The following CPEB3 variants were observed in gnomAD, a reference collection of about 807,000 sequenced individuals.
CPEB3 encodes the protein cytoplasmic polyadenylation element-binding protein 3.
CPEB3 carries 20 observed loss-of-function variants against 67.2 expected under a neutral mutation model. That is an observed-to-expected ratio of 0.30 (90% CI 0.21 to 0.43). The LOEUF is 0.43. Among genes scored for constraint, CPEB3 ranks in the 20% least tolerant of loss-of-function variants. The pLI is 1.00. For synonymous variants in CPEB3, 376 were observed against 393.1 expected (o/e 0.96, Z 0.51); for missense variants, 746 against 968.6 (o/e 0.77, Z 3.05).
intron 2 of CPEB3, among the ~76,000 whole-genome samples, chr10:92,194,493 A>C (rs888754748): frequency 6.6e-6 from 1 of 152,148 alleles, no homozygotes; most frequent in African/African-American, 2.4e-5. Flanking sequence ...AATGGCAAAA[A>C]GGAAAAAAAA....
At chr10:92,097,451 G>A (rs1291764658) in intron 7 of CPEB3, among the ~76,000 whole-genome samples, 4 of 152,130 alleles carry the variant, frequency 2.6e-5, no homozygotes, top group Admixed American at 6.5e-5. Flanking sequence ...TCTAAAGCAC[G>A]TATTCCTATG....
intron 7 of CPEB3, among the ~76,000 whole-genome samples, chr10:92,094,408 C>G (rs1250725845): frequency 2.1e-4 from 32 of 151,918 alleles, no homozygotes. Flanking sequence ...CGAGACCATC[C>G]TGGCTAACAT....
chr10:92,089,529 G>A (rs1397070282), intron 8 of CPEB3, among the ~76,000 whole-genome samples: 1 of 152,194 alleles, frequency 6.6e-6, no homozygotes, highest in Non-Finnish European at 1.5e-5. Context: ...GCTCACACCT[G>A]TAATCCCAGC....
chr10:92,229,904 G>C (rs1432266512), intron 2 of CPEB3, among the ~76,000 whole-genome samples: 1 of 152,098 alleles, frequency 6.6e-6, no homozygotes, highest in African/African-American at 2.4e-5. Flanking sequence ...AAATTAGCAG[G>C]GCATGGTGGC....
intron 9 of CPEB3, among the ~76,000 whole-genome samples, chr10:92,067,819 G>A (rs906077084): frequency 4.6e-5 from 7 of 151,942 alleles, no homozygotes; most frequent in East Asian, 1.9e-4. Flanking sequence ...ACTCCATCTC[G>A]AAAAAATAAA....
chr10:92,139,928 C>T (rs969879854), intron 6 of CPEB3, among the ~76,000 whole-genome samples: 7 of 151,914 alleles, frequency 4.6e-5, no homozygotes, highest in Non-Finnish European at 1.0e-4. Context: ...CAAAAATTAG[C>T]CGGGTATGGT....
intron 1 of CPEB3, among the ~76,000 whole-genome samples, chr10:92,254,634 T>C (rs1462898545): frequency 6.6e-6 from 1 of 152,144 alleles, no homozygotes; most frequent in Non-Finnish European, 1.5e-5. Flanking sequence ...TACCTCCCTT[T>C]TTTATAGACC....
chr10:92,133,285 G>C (rs1281495474), intron 6 of CPEB3, among the ~76,000 whole-genome samples: 1 of 151,970 alleles, frequency 6.6e-6, no homozygotes, highest in African/African-American at 2.4e-5. Flanking sequence ...GACTAATAAA[G>C]AAGAAAAGAG....
At chr10:92,130,835 G>T (rs756456795) in intron 6 of CPEB3, among the ~76,000 whole-genome samples, 1 of 152,008 alleles carries the variant, frequency 6.6e-6, no homozygotes, top group Non-Finnish European at 1.5e-5. Flanking sequence ...AAGGCTAAAG[G>T]GCTGAATAGT....
At chr10:92,144,908 C>T (rs781556294) in intron 5 of CPEB3, 37 bp downstream of exon 5, 1 of 1,604,330 alleles carries the variant, frequency 6.2e-7, no homozygotes, top group South Asian at 1.1e-5. Flanking sequence ...AAATAACAAA[C>T]TCAGCCTTTG....
chr10:92,201,148 G>A (rs1849504847), intron 2 of CPEB3, among the ~76,000 whole-genome samples: 1 of 152,124 alleles, frequency 6.6e-6, no homozygotes, highest in Admixed American at 6.6e-5. Context: ...GTGTGCTAGG[G>A]AAAAGGCAGA....
At chr10:92,074,186 T>C (rs1842858780) in intron 9 of CPEB3, among the ~76,000 whole-genome samples, 1 of 152,114 alleles carries the variant, frequency 6.6e-6, no homozygotes. Context: ...CCTCAAGCAG[T>C]CCTCCCAGCT....
chr10:92,113,143 A>G (rs146288873), intron 6 of CPEB3, among the ~76,000 whole-genome samples: 1 of 152,300 alleles, frequency 6.6e-6, no homozygotes, highest in East Asian at 1.9e-4. Flanking sequence ...GTTGCAAGAG[A>G]GAGACTGCCA....
At chr10:92,180,078 A>G (rs1278019154) in intron 4 of CPEB3, among the ~76,000 whole-genome samples, 4 of 152,194 alleles carry the variant, frequency 2.6e-5, no homozygotes, top group Non-Finnish European at 5.9e-5. Flanking sequence ...GAAAATGAAC[A>G]ATTTCCATTT....
At chr10:92,101,338 A>T (rs1197463767) in intron 7 of CPEB3, among the ~76,000 whole-genome samples, 1 of 151,932 alleles carries the variant, frequency 6.6e-6, no homozygotes, top group East Asian at 1.9e-4. Flanking sequence ...AAAAGTCTCC[A>T]TTTTTCTCTC....
At chr10:92,197,807 A>C (rs916946088) in intron 2 of CPEB3, among the ~76,000 whole-genome samples, 1 of 152,150 alleles carries the variant, frequency 6.6e-6, no homozygotes, top group Admixed American at 6.6e-5. Context: ...CTTTTGTCCC[A>C]TTTTATAAAT....
chr10:92,203,998 C>T (rs1849661130), intron 2 of CPEB3, among the ~76,000 whole-genome samples: 2 of 152,154 alleles, frequency 1.3e-5, no homozygotes, highest in South Asian at 4.1e-4. Flanking sequence ...AGCATCTTCT[C>T]CTGTCTCCCA....
At chr10:92,241,237 T>A (rs543769937) in intron 1 of CPEB3, among the ~76,000 whole-genome samples, 60 of 151,272 alleles carry the variant, frequency 4.0e-4, no homozygotes, top group African/African-American at 1.4e-3. Flanking sequence ...CCTAAGAATT[T>A]CTCTGCAGAG....
chr10:92,156,225 A>G (rs1315648389), intron 4 of CPEB3, among the ~76,000 whole-genome samples: 1 of 152,208 alleles, frequency 6.6e-6, no homozygotes, highest in Non-Finnish European at 1.5e-5. Flanking sequence ...TGAACTAGTA[A>G]AATAAGGATA....
Sources: allele counts gnomAD v4.1 joint callset (sites outside exome capture counted in the v4.1 genomes callset), GRCh38; gene constraint gnomAD v4.1.1; transcripts MANE v1.5; gene names NCBI Gene and HGNC (gene_info 2026-07-23, HGNC 2026-07-21).